TADA2A: variants seen among roughly 807,000 people sequenced by gnomAD.
The protein encoded by TADA2A is transcriptional adapter 2-alpha.
In TADA2A, 38 loss-of-function variants were observed where a neutral mutation model predicts 67.4. The observed-to-expected ratio is 0.56, with a 90% CI of 0.44 to 0.74. The LOEUF (loss-of-function observed/expected upper bound fraction) is 0.74, where lower values mean the gene tolerates loss of function less well. Among genes scored for constraint, TADA2A ranks in the 30% least tolerant of loss-of-function variants. The pLI, the probability that TADA2A is intolerant of heterozygous loss-of-function variation, is 0.00. For missense variants in TADA2A, 454 were observed against 547.0 expected (o/e 0.83, Z 1.70); for synonymous variants, 192 against 181.6 (o/e 1.06, Z -0.46).
chr17:37,431,263 GT>G (rs1387979891), intron 4 of TADA2A, among the ~76,000 whole-genome samples: 1 of 152,114 alleles, frequency 6.6e-6, no homozygotes, highest in Non-Finnish European at 1.5e-5. Context: ...ATCTCCCACA[GT>G]TTTGTGGGTC....
At chr17:37,440,865 C>T (rs563164498) in intron 6 of TADA2A, among the ~76,000 whole-genome samples, 1 of 152,244 alleles carries the variant, frequency 6.6e-6, no homozygotes, top group South Asian at 2.1e-4. Flanking sequence ...GAGGCTGAGG[C>T]GGGTAAATCA....
chr17:37,462,879 A>G (rs2053579643), intron 10 of TADA2A, among the ~76,000 whole-genome samples: 1 of 152,232 alleles, frequency 6.6e-6, no homozygotes, highest in South Asian at 2.1e-4. Flanking sequence ...TAGACAGACA[A>G]AATAAATGAT....
intron 9 of TADA2A, 26 bp downstream of exon 9, chr17:37,458,613 T>G: frequency 6.3e-7 from 1 of 1,589,302 alleles, no homozygotes; most frequent in Non-Finnish European, 8.6e-7. Context: ...CATCCTGGCC[T>G]CCTTTCAGCT....
intron 3 of TADA2A, chr17:37,426,721 T>C: frequency 2.9e-6 from 1 of 347,090 alleles, no homozygotes. Context: ...GGCCCACACC[T>C]GTAATCTTAG....
chr17:37,430,451 A>G (rs1442194429), intron 4 of TADA2A, among the ~76,000 whole-genome samples: 2 of 152,164 alleles, frequency 1.3e-5, no homozygotes. Flanking sequence ...ACAGAGCTGT[A>G]TTTTTGGGAG....
At chr17:37,440,395 T>A (rs534647291) in intron 5 of TADA2A, 110 bp from the exon 6 acceptor site, 1 of 1,232,972 alleles carries the variant, frequency 8.1e-7, no homozygotes. Context: ...TTTGGAAATA[T>A]GAGAGTATAT....
intron 9 of TADA2A, among the ~76,000 whole-genome samples, chr17:37,459,552 G>T (rs1431066566): frequency 6.7e-6 from 1 of 150,334 alleles, no homozygotes; most frequent in Admixed American, 6.6e-5. Flanking sequence ...CAAAGTGCTG[G>T]GATTACAGGC....
At chr17:37,441,527 G>T (rs2052917237) in intron 6 of TADA2A, among the ~76,000 whole-genome samples, 1 of 152,152 alleles carries the variant, frequency 6.6e-6, no homozygotes, top group Non-Finnish European at 1.5e-5. Flanking sequence ...AAAACATGAT[G>T]AATTATAAAT....
chr17:37,457,145 C>T (rs1568172583), intron 8 of TADA2A, among the ~76,000 whole-genome samples: 1 of 150,670 alleles, frequency 6.6e-6, no homozygotes, highest in African/African-American at 2.4e-5. Context: ...TTGTCTGTTA[C>T]TCCTGTGCAG....
chr17:37,475,299 G>C (rs1011712842), intron 15 of TADA2A, among the ~76,000 whole-genome samples: 1 of 151,792 alleles, frequency 6.6e-6, no homozygotes, highest in African/African-American at 2.4e-5. Flanking sequence ...AGCTCCCCGA[G>C]TAGCTGGGAC....
At position 37,456,596 on chromosome 17, in the gene TADA2A, A is replaced by G. The variant is rs142427212; in HGVS notation, c.605-1928A>G. 2.0e-4 allele frequency among the ~76,000 whole-genome samples: 30 copies of G among 152,322 alleles called. 1 individual carries two copies. The highest frequency in any genetic ancestry group is 5.9e-4 in the Admixed American group (9 of 15,294). ...AGATTGAGTTCTGTCTTGGATAGCT[A>G]TCTTTACTCTGATGCAGTTATCCAA... On this transcript the variant is annotated intron_variant, in intron 8 of 15. Coordinates refer to ENST00000615182, the MANE Select transcript of TADA2A (RefSeq NM_001166105.3).
At chr17:37,438,004 G>C (rs531358472) in intron 5 of TADA2A, 175 bp downstream of exon 5, 39 of 618,342 alleles carry the variant, frequency 6.3e-5, no homozygotes, top group African/African-American at 5.9e-4. Flanking sequence ...GTCGAAATGT[G>C]TCACGAGGAT....
chr17:37,407,726 C>G (rs78617672), intron 1 of TADA2A, among the ~76,000 whole-genome samples: 164 of 152,004 alleles, frequency 1.1e-3, no homozygotes, highest in African/African-American at 3.9e-3. Flanking sequence ...GATTCTCGTG[C>G]CTGAGGCGTG....
intron 4 of TADA2A, among the ~76,000 whole-genome samples, chr17:37,428,964 T>C: frequency 6.7e-6 from 1 of 148,256 alleles, no homozygotes; most frequent in Non-Finnish European, 1.5e-5. Flanking sequence ...GAGAATGATG[T>C]GAACCCGGGA....
At chr17:37,451,616 C>T (rs2053236540) in intron 8 of TADA2A, among the ~76,000 whole-genome samples, 1 of 152,174 alleles carries the variant, frequency 6.6e-6, no homozygotes, top group Non-Finnish European at 1.5e-5. Flanking sequence ...GCCACCATGC[C>T]TGGCCTTTTT....
At chr17:37,475,655 G>A (rs1486682525) in intron 15 of TADA2A, among the ~76,000 whole-genome samples, 2 of 151,964 alleles carry the variant, frequency 1.3e-5, no homozygotes, top group Non-Finnish European at 2.9e-5. Flanking sequence ...TAGTAGAGAC[G>A]GGGTTTCACC....
Position 37,442,636 on chromosome 17 carries a change from G to T in TADA2A, c.515G>T (p.Arg172Leu). Residue 172 changes from arginine to leucine, a missense_variant, in exon 7 of 16, where the codon CGA becomes CTA. Physicochemically the swap from Arg to Leu is moderately radical, Grantham distance 102 (BLOSUM62 -2). Coordinates refer to ENST00000615182, the MANE Select transcript of TADA2A (RefSeq NM_001166105.3). ...GACATGGCCGGGTACATGCCAGCTC[G>T]AGCAGATTTCATTGAGGTAGGATAA... ...SRDMAGYMPA[R>L]ADFIEEFDNY... The T allele has an allele frequency of 6.2e-7, 1 of 1,613,600 alleles. No individual in the cohort carries two copies. Among genetic ancestry groups the T allele is most frequent in the Middle Eastern group, 1.6e-4 (1 of 6,062 alleles).
intron 2 of TADA2A, among the ~76,000 whole-genome samples, chr17:37,417,590 A>G (rs2147911206): frequency 6.6e-6 from 1 of 151,930 alleles, no homozygotes; most frequent in Middle Eastern, 3.4e-3. Context: ...GCTAGAGTGC[A>G]GTGGCATGAT....
At chr17:37,445,353 T>C (rs891089516) in intron 8 of TADA2A, among the ~76,000 whole-genome samples, 1 of 152,110 alleles carries the variant, frequency 6.6e-6, no homozygotes, top group Admixed American at 6.6e-5. Flanking sequence ...GCAACCTCTG[T>C]CTCCCAGGTT....
Sources: gnomAD v4.1 joint callset for allele counts (sites outside exome capture counted in the v4.1 genomes callset) on GRCh38, gnomAD v4.1.1 for gene constraint, MANE v1.5 for transcripts, NCBI Gene and HGNC (gene_info 2026-07-23, HGNC 2026-07-21) for gene names.